Variants in BDNF observed in about 807,000 individuals in gnomAD.
BDNF encodes the protein brain derived neurotrophic factor, also known as neurotrophic factor BDNF precursor form.
Under a neutral mutation model 19.5 loss-of-function variants are expected in BDNF, and 1 was observed. The observed-to-expected ratio is 0.05, with a 90% CI of 0.02 to 0.24. BDNF has a LOEUF of 0.24. Ranked by LOEUF, BDNF falls within the 10% of genes least tolerant of loss-of-function variation. The pLI is 1.00. For synonymous variants in BDNF, 100 were observed against 121.6 expected, an observed-to-expected ratio of 0.82 and a Z score of 1.17; for missense variants, 195 against 317.6, an observed-to-expected ratio of 0.61 and a Z score of 2.93.
intron 1 of BDNF, among the ~76,000 whole-genome samples, chr11:27,711,059 G>A (rs909289436): frequency 2.0e-5 from 3 of 152,150 alleles, no homozygotes; most frequent in Non-Finnish European, 2.9e-5. Context: ...ATTGAATAGT[G>A]ATTTGCAGAT....
intron 1 of BDNF, among the ~76,000 whole-genome samples, chr11:27,691,755 GA>G (rs1295813183): frequency 6.6e-6 from 1 of 152,026 alleles, no homozygotes; most frequent in Non-Finnish European, 1.5e-5. Flanking sequence ...AATTATTAAA[GA>G]AAAAAAGTAA....
intron 1 of BDNF, among the ~76,000 whole-genome samples, chr11:27,672,121 G>A (rs888369317): frequency 6.6e-6 from 1 of 151,934 alleles, no homozygotes; most frequent in African/African-American, 2.4e-5. Flanking sequence ...GTAAAATCTG[G>A]GCTCCTTTTA....
chr11:27,703,796 C>T (rs967176212), upstream of BDNF, among the ~76,000 whole-genome samples: 2 of 152,156 alleles, frequency 1.3e-5, no homozygotes, highest in African/African-American at 4.8e-5. Flanking sequence ...CACCTCTTAA[C>T]ACTTGTAAGC....
chr11:27,705,179 A>G (rs1175989108), upstream of BDNF, among the ~76,000 whole-genome samples: 1 of 152,216 alleles, frequency 6.6e-6, no homozygotes, highest in Non-Finnish European at 1.5e-5. Context: ...TGAAGAATAA[A>G]TTTGGTTTAC....
rs555281559 is a variant in BDNF, at chr11:27,720,945, C to G, written c.3+467G>C. 1.8e-4 allele frequency among the ~76,000 whole-genome samples: 24 copies of G among 132,500 alleles called. No homozygotes were observed. In the South Asian group the frequency reaches 4.3e-3, roughly 24 times the overall value. The allele number at this position is 132,500 out of a possible 152,430, so 86.9% of individuals were successfully genotyped here. On this transcript the variant is annotated intron_variant, in intron 1 of 1. Coordinates refer to the BDNF transcript ENST00000314915. The stretch of plus-strand genomic sequence containing the variant: ...TTCTGACTTATTTCTCTCCCCCCAA[C>G]CCCACCCCCCATCTACACCTAAACT...
intron 1 of BDNF, among the ~76,000 whole-genome samples, chr11:27,706,654 T>C (rs995115788): frequency 6.6e-6 from 1 of 152,202 alleles, no homozygotes; most frequent in South Asian, 2.1e-4. Context: ...CCAAGATTTC[T>C]ATATTTTTCT....
intron 1 of BDNF, chr11:27,674,608 T>G (rs1242577202): frequency 1.0e-6 from 1 of 985,060 alleles, no homozygotes; most frequent in African/African-American, 1.7e-5. Flanking sequence ...TCCATATGGC[T>G]GGCCAGAAAA....
rs766704685 is a variant in BDNF at position 27,657,194 on chromosome 11, A to G, written c.*627T>C. 1.0e-6 allele frequency: 1 copy of G among 984,052 alleles called. No individual in the cohort carries two copies. Among genetic ancestry groups the G allele is most frequent in the Non-Finnish European group, 1.2e-6 (1 of 828,188 alleles). The allele number at this position is 984,052 out of a possible 1,614,324, so 61.0% of individuals were successfully genotyped here. ...TATCAGCCAGAATATATATTGTAGG[A>G]ATTCTTTCCCCATCTCTACTCCCTG... is the stretch of plus-strand genomic sequence containing the variant. On this transcript the variant is annotated 3_prime_UTR_variant, in exon 2 of 2. Coordinates refer to ENST00000356660, the MANE Select transcript of BDNF (RefSeq NM_001709.5). This position sits in a 1 kb window ranked among gnomAD's most constrained non-coding sequence, Gnocchi z 5.0.
At chr11:27,721,738 C>G in exon 1 of BDNF, 1 of 453,382 alleles carries the variant, frequency 2.2e-6, no homozygotes, top group Middle Eastern at 6.1e-4. Flanking sequence ...AGCGAGGTTA[C>G]CAATGATTGC....
chr11:27,667,070 C>T (rs560999063), intron 1 of BDNF, among the ~76,000 whole-genome samples: 21 of 152,168 alleles, frequency 1.4e-4, no homozygotes, highest in South Asian at 6.2e-4. Context: ...CAGCATCTTT[C>T]GGCAGAAACT....
chr11:27,721,532 G>C, exon 1 of BDNF: 1 of 1,073,904 alleles, frequency 9.3e-7, no homozygotes, highest in Non-Finnish European at 1.4e-6. Flanking sequence ...TTGCTCAGTG[G>C]ATCGCCCACC....
chr11:27,663,379 T>C (rs1011346262), intron 1 of BDNF, among the ~76,000 whole-genome samples: 1 of 152,222 alleles, frequency 6.6e-6, no homozygotes, highest in African/African-American at 2.4e-5. Context: ...GGAAATTCAA[T>C]ATAGTACATA....
chr11:27,670,423 C>G (rs1855163063), intron 1 of BDNF, among the ~76,000 whole-genome samples: 1 of 151,814 alleles, frequency 6.6e-6, no homozygotes. Flanking sequence ...TCTAATTAAA[C>G]TAAAGAGCTT....
At position 27,671,944 on chromosome 11, in the gene BDNF, G is replaced by T. The variant is rs78973681; in HGVS notation, c.-21-13359C>A. Among the ~76,000 whole-genome samples the T allele has an allele frequency of 4.6e-3, 702 of 152,248 alleles. 9 individuals carry two copies. Among genetic ancestry groups the T allele is most frequent in the African/African-American group, 0.016 (666 of 41,538 alleles). ...GGCTGCTTAGGATAAGGAAATAAAA[G>T]GTTGAAGTTAACTTAAGTATTATGA... On this transcript the variant is annotated intron_variant, in intron 1 of 1. Transcript: ENST00000356660.
At position 27,700,391 on chromosome 11, in the gene BDNF, A is replaced by G. The variant is rs1333822411; in HGVS notation, c.-249T>C. ...CGAGGCGCTACGGGGTGCGCGGGAC[A>G]GCGAGCGGGCGGGTGCGCCCGGGCG... On this transcript the variant is annotated 5_prime_UTR_variant, in exon 1 of 2. Coordinates refer to ENST00000356660, the MANE Select transcript of BDNF (RefSeq NM_001709.5). 2.0e-6 allele frequency: 2 copies of G among 985,868 alleles called. No individual in the cohort carries two copies. The highest frequency in any genetic ancestry group is 1.7e-5 in the African/African-American group (1 of 57,178). 61.1% of individuals were successfully genotyped at this position (985,868 alleles called of 1,614,324 possible). A position where few individuals can be genotyped will look rare whatever the true frequency, so the allele number is the denominator to read the frequency against.
chr11:27,700,440 C>A lies in BDNF; in HGVS notation c.-298G>T. On this transcript the variant is annotated 5_prime_UTR_variant, in exon 1 of 2. Transcript: ENST00000356660. ...CGCGGCGGCGGCAGCGTCGGGGACC[C>A]GGAGCTCCAGGCTGCGCCTTGCGCC... 1.0e-6 allele frequency: 1 copy of A among 984,946 alleles called. No individual in the cohort carries two copies. Among genetic ancestry groups the A allele is most frequent in the Non-Finnish European group, 1.2e-6 (1 of 829,734 alleles). 61.0% of individuals were successfully genotyped at this position (984,946 alleles called of 1,614,324 possible). A position where few individuals can be genotyped will look rare whatever the true frequency, so the allele number is the denominator to read the frequency against.
intron 1 of BDNF, among the ~76,000 whole-genome samples, chr11:27,663,164 T>G (rs1346042796): frequency 6.6e-6 from 1 of 152,248 alleles, no homozygotes; most frequent in Non-Finnish European, 1.5e-5. Context: ...AGTAAGAGCT[T>G]CCAGGACAAT....
In BDNF at chr11:27,658,560, G is replaced by T. The variant is rs8192466; in HGVS notation, c.5C>A (p.Thr2Asn). 376 of 1,614,064 alleles carry T rather than the reference G, an allele frequency of 2.3e-4. No homozygotes were observed. The highest frequency in any genetic ancestry group is 4.1e-4 in the South Asian group (37 of 91,078). M[T>N]ILFLTMVISY... The stretch of plus-strand genomic sequence containing the variant: ...AATAACCATAGTAAGGAAAAGGATG[G>T]TCATCACTCTTCTCACCTGGTGGAA... Residue 2 changes from threonine to asparagine, a missense_variant, in exon 2 of 2, where the codon ACC becomes AAC. This residue lies in a region of BDNF where 124 missense variants were observed against 155.0 expected (regional missense o/e 0.80). Coordinates refer to ENST00000356660, the MANE Select transcript of BDNF (RefSeq NM_001709.5). The surrounding 1 kb of genome is among the most constrained non-coding windows in gnomAD (Gnocchi z 5.7).
intron 1 of BDNF, chr11:27,660,288 A>T (rs1403575814): frequency 1.7e-6 from 2 of 1,205,070 alleles, no homozygotes; most frequent in Non-Finnish European, 2.2e-6. Context: ...CACACAAAAA[A>T]ATTTCTTTTA....
Sources: gnomAD v4.1 joint callset for allele counts (sites outside exome capture counted in the v4.1 genomes callset) on GRCh38, gnomAD v4.1.1 for gene constraint, gnomAD v4.1.1 regional missense constraint, Gnocchi (gnomAD v3.1) non-coding constraint, MANE v1.5 for transcripts, NCBI Gene and HGNC (gene_info 2026-07-23, HGNC 2026-07-21) for gene names.